Variants in DNAAF4 observed in about 807,000 individuals in gnomAD.
DNAAF4 encodes the protein dynein assembly factor 4, axonemal.
Under a neutral mutation model 51.8 loss-of-function variants are expected in DNAAF4, and 43 were observed. The ratio of observed to expected loss-of-function variants is 0.83; its 90% CI spans 0.65 to 1.07. The LOEUF is 1.07. Among genes scored for constraint, DNAAF4 ranks in the 50% least tolerant of loss-of-function variants. DNAAF4 has a pLI of 0.00. For missense variants in DNAAF4, 581 were observed against 493.0 expected (o/e 1.18, Z -1.69); for synonymous variants, 194 against 165.6 (o/e 1.17, Z -1.32).
chr15:55,477,664 A>G (rs865837593), intron 4 of DNAAF4, among the ~76,000 whole-genome samples: 6,201 of 151,550 alleles, frequency 0.041, 426 homozygotes, highest in African/African-American at 0.14. Context: ...GTGTGTGTAT[A>G]TATATATATA....
In DNAAF4 at chr15:55,446,793, C is replaced by A. The variant is rs2057831286; in HGVS notation, c.783+3429G>T. ...GCCAGGCAGAGGCGCTCCTCACATC[C>A]CAGATGGGGCGGCCGGGCAGAGGCG... On this transcript the variant is annotated intron_variant, in intron 6 of 9. Coordinates refer to ENST00000321149, the MANE Select transcript of DNAAF4 (RefSeq NM_130810.4). Among the ~76,000 whole-genome samples the A allele has an allele frequency of 5.5e-5, 8 of 144,968 alleles. No homozygotes were observed. In the South Asian group the frequency reaches 1.5e-3, roughly 28 times the overall value.
chr15:55,469,419 C>A (rs540497048), intron 4 of DNAAF4, among the ~76,000 whole-genome samples: 6 of 150,816 alleles, frequency 4.0e-5, no homozygotes, highest in Non-Finnish European at 8.8e-5. Flanking sequence ...TCTCACAACA[C>A]TCCATAGGTC....
intron 7 of DNAAF4, among the ~76,000 whole-genome samples, chr15:55,420,548 G>A (rs1428365762): frequency 2.0e-5 from 3 of 152,154 alleles, no homozygotes; most frequent in Admixed American, 6.6e-5. Context: ...TTTGCTTGAT[G>A]TAAGGAAACA....
At chr15:55,484,160 C>G (rs2058453093) in intron 4 of DNAAF4, among the ~76,000 whole-genome samples, 1 of 151,892 alleles carries the variant, frequency 6.6e-6, no homozygotes, top group Non-Finnish European at 1.5e-5. Flanking sequence ...GGTCCAAATG[C>G]CATGGAATAC....
intron 4 of DNAAF4, among the ~76,000 whole-genome samples, chr15:55,474,536 A>C (rs1459514680): frequency 6.6e-6 from 1 of 152,058 alleles, no homozygotes; most frequent in African/African-American, 2.4e-5. Context: ...TCCATCTCAA[A>C]AGAAAAAAAA....
rs1355912694 is a variant in DNAAF4, at chr15:55,444,766, C to G, written c.784-5185G>C. ...CTCCTTGAAGAGGTCCTTCACATAC[C>G]TTGTAAGTTGGATTCCTACGTATTT... On this transcript the variant is annotated intron_variant, in intron 6 of 9. Coordinates refer to ENST00000321149, the MANE Select transcript of DNAAF4 (RefSeq NM_130810.4). Among the ~76,000 whole-genome samples, 5 of 152,078 alleles carry G rather than the reference C, an allele frequency of 3.3e-5. No homozygotes were observed. The East Asian group carries it at 9.6e-4, about 29-fold the overall frequency.
At chr15:55,481,829 C>G (rs1008972935) in intron 4 of DNAAF4, among the ~76,000 whole-genome samples, 35 of 152,314 alleles carry the variant, frequency 2.3e-4, no homozygotes, top group Admixed American at 5.2e-4. Context: ...TGCCAAGGGC[C>G]AGAGGCCCCT....
intron 4 of DNAAF4, among the ~76,000 whole-genome samples, chr15:55,483,992 T>C (rs906784635): frequency 1.3e-5 from 2 of 151,584 alleles, no homozygotes; most frequent in Non-Finnish European, 2.9e-5. Flanking sequence ...TTCAGAGATA[T>C]AGTTCAAATT....
chr15:55,469,692 G>A (rs571626215), intron 4 of DNAAF4, among the ~76,000 whole-genome samples: 166 of 151,356 alleles, frequency 1.1e-3, no homozygotes, highest in African/African-American at 3.7e-3. Flanking sequence ...GGGTTTCACT[G>A]TGTTAGCCAG....
At chr15:55,447,850 CAGAGGGGAGAGGGG>C (rs201086945) in intron 6 of DNAAF4, among the ~76,000 whole-genome samples, 1 of 45,410 alleles carries the variant, frequency 2.2e-5, no homozygotes, top group African/African-American at 8.8e-5. Flanking sequence ...GGGGAGAGGG[CAGAGGGGAGAGGGG>C]AGAGGGGAGA....
downstream of DNAAF4, among the ~76,000 whole-genome samples, chr15:55,429,196 T>C (rs779328963): frequency 2.0e-5 from 3 of 151,664 alleles, no homozygotes; most frequent in Non-Finnish European, 4.4e-5. Context: ...CACTAAAGCC[T>C]GGGTTACAGA....
intron 5 of DNAAF4, among the ~76,000 whole-genome samples, chr15:55,455,212 CTCTTA>C (rs2058000247): frequency 6.7e-6 from 1 of 148,570 alleles, no homozygotes; most frequent in Admixed American, 6.7e-5. Context: ...ACAGGTATTT[CTCTTA>C]TCTAACTATA....
intron 5 of DNAAF4, among the ~76,000 whole-genome samples, chr15:55,457,979 G>A (rs1397942535): frequency 6.6e-6 from 1 of 152,178 alleles, no homozygotes; most frequent in Non-Finnish European, 1.5e-5. Flanking sequence ...CCCATCCCTA[G>A]TGGCAGGGGG....
At chr15:55,437,553 C>T (rs185924191) in intron 7 of DNAAF4, among the ~76,000 whole-genome samples, 33 of 151,884 alleles carry the variant, frequency 2.2e-4, no homozygotes, top group Admixed American at 1.8e-3. Context: ...AACCTATGAA[C>T]GTTACCTAAC....
chr15:55,482,350 C>A (rs554524112), intron 4 of DNAAF4, among the ~76,000 whole-genome samples: 127 of 152,292 alleles, frequency 8.3e-4, no homozygotes, highest in Non-Finnish European at 1.6e-3. Flanking sequence ...CCCAGCAATT[C>A]TATTCCTAAG....
intron 4 of DNAAF4, among the ~76,000 whole-genome samples, chr15:55,474,312 G>C (rs1052974723): frequency 2.0e-5 from 3 of 152,202 alleles, no homozygotes; most frequent in Non-Finnish European, 4.4e-5. Context: ...GAGGTGGGCA[G>C]ATCATGAGGT....
intron 4 of DNAAF4, among the ~76,000 whole-genome samples, chr15:55,489,913 G>A (rs1300913060): frequency 3.4e-5 from 5 of 147,104 alleles, no homozygotes; most frequent in African/African-American, 1.0e-4. Context: ...TCACTCTGTC[G>A]CCCAGGCTGG....
At chr15:55,476,884 T>C (rs1353255368) in intron 4 of DNAAF4, among the ~76,000 whole-genome samples, 1 of 152,104 alleles carries the variant, frequency 6.6e-6, no homozygotes, top group Admixed American at 6.6e-5. Context: ...AAATGAGTTC[T>C]GGAGGGCCAG....
At chr15:55,428,095 A>C (rs2057448718), downstream of DNAAF4, among the ~76,000 whole-genome samples, 1 of 151,696 alleles carries the variant, frequency 6.6e-6, no homozygotes, top group African/African-American at 2.4e-5. Context: ...TAGGGATTAC[A>C]AGCACCTGCC....
Sources: gnomAD v4.1 joint callset for allele counts (sites outside exome capture counted in the v4.1 genomes callset) on GRCh38, gnomAD v4.1.1 for gene constraint, MANE v1.5 for transcripts, NCBI Gene and HGNC (gene_info 2026-07-23, HGNC 2026-07-21) for gene names.